The following VPS37A variants were observed in gnomAD, a reference collection of about 807,000 sequenced individuals.
VPS37A encodes VPS37A subunit of ESCRT-I.
Under a neutral mutation model 49.8 loss-of-function variants are expected in VPS37A, and 30 were observed. The observed-to-expected ratio is 0.60, with a 90% confidence interval of 0.45 to 0.82. The LOEUF (loss-of-function observed/expected upper bound fraction) is 0.82, where lower values mean the gene tolerates loss of function less well. Among genes scored for constraint, VPS37A ranks in the 40% least tolerant of loss-of-function variants. The pLI is 0.00. For synonymous variants in VPS37A, 195 were observed against 160.6 expected (o/e 1.21, Z -1.62); for missense variants, 593 against 464.4 (o/e 1.28, Z -2.55).
At position 17,295,835 on chromosome 8, in the gene VPS37A, T is replaced by C. The variant is rs1816584691; in HGVS notation, c.*849T>C. The C allele has an allele frequency of 6.6e-6, 1 of 152,248 alleles. No homozygotes were observed. Among genetic ancestry groups the C allele is most frequent in the Non-Finnish European group, 1.5e-5 (1 of 68,032 alleles). The allele number at this position is 152,248 out of a possible 1,614,324, so 9.4% of individuals were successfully genotyped here. On this transcript the variant is annotated 3_prime_UTR_variant, in exon 12 of 12. Transcript: ENST00000324849. ...AACTTTTCTGACCTTTACTGTGAGT[T>C]ACCTTTTCCTAAGAGGAAAGCTATA...
chr8:17,325,754 C>T, the VPS37A span, among the ~76,000 whole-genome samples: 1 of 146,982 alleles, frequency 6.8e-6, no homozygotes. Flanking sequence ...GACCCTATCA[C>T]GAGACAAACA....
chr8:17,278,536 C>T (rs1205623817), intron 6 of VPS37A, among the ~76,000 whole-genome samples: 1 of 152,098 alleles, frequency 6.6e-6, no homozygotes, highest in Admixed American at 6.6e-5. Context: ...CTCAAGTTGC[C>T]TTCTGTATCG....
At chr8:17,325,893 T>C in the VPS37A span, among the ~76,000 whole-genome samples, 1 of 152,156 alleles carries the variant, frequency 6.6e-6, no homozygotes, top group African/African-American at 2.4e-5. Context: ...CATCAACGTA[T>C]CCATTTCATT....
chr8:17,279,613 C>T (rs1272827415), intron 6 of VPS37A: 2 of 288,552 alleles, frequency 6.9e-6, no homozygotes, highest in Non-Finnish European at 6.8e-6. Flanking sequence ...GAAAAAAATA[C>T]TTAACTATAT....
At chr8:17,320,793 G>A in the VPS37A span, among the ~76,000 whole-genome samples, 3 of 152,118 alleles carry the variant, frequency 2.0e-5, no homozygotes, top group East Asian at 1.9e-4. Context: ...CCTGAAACAC[G>A]GCCCAGTGGA....
chr8:17,285,344 C>T (rs1815491514), intron 10 of VPS37A, among the ~76,000 whole-genome samples: 2 of 152,156 alleles, frequency 1.3e-5, no homozygotes, highest in Middle Eastern at 6.8e-3. Context: ...TGTTTTACCA[C>T]TTGTTGAAAG....
At chr8:17,300,262 A>G, downstream of VPS37A, 1 of 1,568,350 alleles carries the variant, frequency 6.4e-7, no homozygotes, top group Non-Finnish European at 8.6e-7. Context: ...AAAAATCATA[A>G]ATAACTTATC....
At chr8:17,301,599 T>G (rs1817116546), downstream of VPS37A, 1 of 152,408 alleles carries the variant, frequency 6.6e-6, no homozygotes, top group Non-Finnish European at 1.5e-5. Context: ...TAGAATAGAC[T>G]AATAGAATCC....
chr8:17,302,816 G>A (rs1431265905), downstream of VPS37A, among the ~76,000 whole-genome samples: 2 of 147,880 alleles, frequency 1.4e-5, no homozygotes, highest in East Asian at 2.0e-4. Flanking sequence ...GGGTTCAAGC[G>A]ATTCTCCTGC....
At chr8:17,308,704 A>C in the VPS37A span, among the ~76,000 whole-genome samples, 1 of 152,066 alleles carries the variant, frequency 6.6e-6, no homozygotes, top group Admixed American at 6.5e-5. Flanking sequence ...TGACTCCCAA[A>C]ACAACAGCTT....
rs201743973 is a variant in VPS37A at position 17,268,371 on chromosome 8, A to G, written c.314A>G (p.Asn105Ser). The G allele has an allele frequency of 1.1e-5, 18 of 1,571,448 alleles. No homozygotes were observed. Among genetic ancestry groups the G allele is most frequent in the South Asian group, 3.3e-5 (3 of 89,946 alleles). Reference protein sequence around the residue: ...GVYVTSPLVNNFTMHSDLGKI... With the variant: ...GVYVTSPLVNSFTMHSDLGKI... ...TATGTTACCTCTCCATTAGTAAACA[A>G]TGTATGTATATGGGATAATTTATTT... is the stretch of plus-strand genomic sequence containing the variant. Residue 105 changes from asparagine (N) to serine (S), a missense_variant and splice_region_variant, in exon 3 of 12, where the codon AAT (asparagine) becomes AGT (serine). Physicochemically the swap from Asn to Ser is conservative, Grantham distance 46. Transcript: ENST00000324849.
chr8:17,301,929 A>T, downstream of VPS37A: 1 of 454,362 alleles, frequency 2.2e-6, no homozygotes, highest in South Asian at 6.5e-5. Context: ...AACAACCAAA[A>T]ATTTGTGGAA....
intron 1 of VPS37A, among the ~76,000 whole-genome samples, chr8:17,255,709 T>G (rs1306792519): frequency 6.6e-6 from 1 of 152,196 alleles, no homozygotes; most frequent in Non-Finnish European, 1.5e-5. Flanking sequence ...TCCCCTCCTG[T>G]TTACCCTTCC....
At chr8:17,300,665 T>A (rs1044062405), downstream of VPS37A, among the ~76,000 whole-genome samples, 23 of 152,226 alleles carry the variant, frequency 1.5e-4, no homozygotes, top group African/African-American at 5.5e-4. Context: ...TTCAGTGGTT[T>A]TTAGTTATAT....
chr8:17,303,013 T>G (rs563986459), downstream of VPS37A, among the ~76,000 whole-genome samples: 10 of 152,064 alleles, frequency 6.6e-5, no homozygotes, highest in South Asian at 2.1e-3. Flanking sequence ...GCCTGACCAA[T>G]AAATCCCTTT....
chr8:17,288,888 C>A (rs892127238), intron 11 of VPS37A, among the ~76,000 whole-genome samples: 1 of 152,156 alleles, frequency 6.6e-6, no homozygotes, highest in Non-Finnish European at 1.5e-5. Context: ...TCTGTTGTTT[C>A]CTAACTTTTT....
intron 1 of VPS37A, among the ~76,000 whole-genome samples, chr8:17,255,646 A>T (rs1479726713): frequency 6.6e-6 from 1 of 152,166 alleles, no homozygotes; most frequent in African/African-American, 2.4e-5. Flanking sequence ...TACAAACACT[A>T]GGTCTTATTT....
At chr8:17,298,267 A>C (rs1429761150), downstream of VPS37A, 2 of 152,112 alleles carry the variant, frequency 1.3e-5, no homozygotes, top group East Asian at 1.9e-4. Context: ...AAAATGAATA[A>C]ACATTCCTTG....
intron 1 of VPS37A, among the ~76,000 whole-genome samples, chr8:17,251,690 C>T (rs1005341460): frequency 6.6e-6 from 1 of 152,186 alleles, no homozygotes; most frequent in Non-Finnish European, 1.5e-5. Context: ...AAATTATTAT[C>T]TTGCACACAG....
Sources: gnomAD v4.1 joint callset for allele counts (sites outside exome capture counted in the v4.1 genomes callset) on GRCh38, gnomAD v4.1.1 for gene constraint, MANE v1.5 for transcripts, NCBI Gene and HGNC (gene_info 2026-07-23, HGNC 2026-07-21) for gene names.